CDH18: variants seen among roughly 807,000 people sequenced by gnomAD.
CDH18 encodes the protein cadherin-18.
CDH18 carries 31 observed loss-of-function variants against 67.9 expected under a neutral mutation model. That is an observed-to-expected ratio of 0.46 (90% CI 0.34 to 0.62). CDH18 has a LOEUF of 0.62. Among genes scored for constraint, CDH18 ranks in the 20% least tolerant of loss-of-function variants. The pLI is 0.01. For synonymous variants in CDH18, 362 were observed against 347.2 expected, an observed-to-expected ratio of 1.04 and a Z score of -0.48; for missense variants, 890 against 975.5, an observed-to-expected ratio of 0.91 and a Z score of 1.17.
chr5:20,484,966 G>T (rs1753070145), intron 1 of CDH18, among the ~76,000 whole-genome samples: 1 of 151,998 alleles, frequency 6.6e-6, no homozygotes. Flanking sequence ...ACAAAGAAAT[G>T]ATATATTCTT....
At chr5:19,929,168 T>C (rs1241283829) in intron 2 of CDH18, among the ~76,000 whole-genome samples, 1 of 152,100 alleles carries the variant, frequency 6.6e-6, no homozygotes, top group East Asian at 1.9e-4. Flanking sequence ...AAACTGGCCC[T>C]GACTCATCTT....
intron 2 of CDH18, among the ~76,000 whole-genome samples, chr5:19,902,219 C>G (rs139655200): frequency 1.3e-3 from 199 of 152,208 alleles, no homozygotes; most frequent in Middle Eastern, 3.4e-3. Flanking sequence ...CATTTTTAAC[C>G]TAGCCTCACT....
intron 5 of CDH18, among the ~76,000 whole-genome samples, chr5:19,703,725 C>T (rs190003393): frequency 7.7e-4 from 117 of 151,842 alleles, no homozygotes; most frequent in African/African-American, 2.6e-3. Context: ...CCCCCTGCCC[C>T]CCCTGCCCCC....
intron 1 of CDH18, among the ~76,000 whole-genome samples, chr5:20,431,527 A>C (rs956352099): frequency 2.4e-4 from 36 of 151,602 alleles, no homozygotes; most frequent in African/African-American, 8.7e-4. Flanking sequence ...AGAAGAATAG[A>C]AAAAGAAAAG....
intron 5 of CDH18, among the ~76,000 whole-genome samples, chr5:19,697,975 T>C (rs1257009259): frequency 6.6e-6 from 1 of 152,150 alleles, no homozygotes; most frequent in Non-Finnish European, 1.5e-5. Context: ...GAAATTCACA[T>C]GGAATCTTTC....
chr5:20,543,232 T>C (rs1270916571), intron 1 of CDH18, among the ~76,000 whole-genome samples: 1 of 150,410 alleles, frequency 6.6e-6, no homozygotes, highest in African/African-American at 2.4e-5. Context: ...TATTTCAGAG[T>C]AACAGGTAAA....
chr5:19,939,860 C>A (rs1424572754), intron 2 of CDH18, among the ~76,000 whole-genome samples: 3 of 151,848 alleles, frequency 2.0e-5, no homozygotes, highest in Non-Finnish European at 4.4e-5. Context: ...TTAAAGGAGA[C>A]TTTACTTAAT....
intron 1 of CDH18, among the ~76,000 whole-genome samples, chr5:20,562,128 A>G (rs912911738): frequency 3.3e-5 from 5 of 151,932 alleles, no homozygotes; most frequent in African/African-American, 9.7e-5. Flanking sequence ...ATAATAGAAA[A>G]GAAAATAGGT....
chr5:19,817,903 T>G (rs995250029), intron 3 of CDH18, among the ~76,000 whole-genome samples: 1 of 152,186 alleles, frequency 6.6e-6, no homozygotes, highest in Admixed American at 6.5e-5. Flanking sequence ...TAGCCATAGA[T>G]AATACATAAA....
intron 2 of CDH18, among the ~76,000 whole-genome samples, chr5:19,952,353 C>G (rs1795878182): frequency 2.6e-5 from 4 of 151,482 alleles, no homozygotes; most frequent in Admixed American, 2.6e-4. Context: ...CCAGCCTATA[C>G]TTTTCCAATT....
At chr5:19,769,884 T>C (rs2149735034) in intron 3 of CDH18, among the ~76,000 whole-genome samples, 1 of 151,750 alleles carries the variant, frequency 6.6e-6, no homozygotes, top group South Asian at 2.1e-4. Context: ...GTAGCACAAC[T>C]CAACAATAAG....
intron 6 of CDH18, among the ~76,000 whole-genome samples, chr5:19,605,727 C>T (rs1747933636): frequency 6.6e-6 from 1 of 151,962 alleles, no homozygotes; most frequent in African/African-American, 2.4e-5. Flanking sequence ...GAAACCATAA[C>T]AAAACAAATT....
chr5:20,538,899 T>G (rs376515676), intron 1 of CDH18, among the ~76,000 whole-genome samples: 1,422 of 54,428 alleles, frequency 0.026, 20 homozygotes, highest in African/African-American at 0.083. Context: ...TAGCCAACTG[T>G]TTTTTTTTTG....
At chr5:19,632,837 G>T (rs577579029) in intron 5 of CDH18, among the ~76,000 whole-genome samples, 3 of 152,060 alleles carry the variant, frequency 2.0e-5, no homozygotes, top group Non-Finnish European at 4.4e-5. Flanking sequence ...GGTTTTATTT[G>T]TGCCCCCTCT....
At chr5:19,504,003 T>C (rs891623468) in intron 10 of CDH18, among the ~76,000 whole-genome samples, 1 of 146,594 alleles carries the variant, frequency 6.8e-6, no homozygotes, top group African/African-American at 2.6e-5. Context: ...ATTGAACTAA[T>C]ATCATTTCTT....
At chr5:20,323,120 A>C (rs1738197233) in intron 1 of CDH18, among the ~76,000 whole-genome samples, 1 of 152,168 alleles carries the variant, frequency 6.6e-6, no homozygotes, top group Non-Finnish European at 1.5e-5. Context: ...AGAATCAAGC[A>C]CTTGAAAACA....
intron 11 of CDH18, among the ~76,000 whole-genome samples, chr5:19,493,470 A>G (rs75389872): frequency 1.3e-3 from 192 of 152,088 alleles, no homozygotes; most frequent in East Asian, 2.9e-3. Context: ...ATAAATAATA[A>G]TTTGATGTGA....
At chr5:20,102,321 C>G (rs1311545811) in intron 2 of CDH18, among the ~76,000 whole-genome samples, 1 of 151,960 alleles carries the variant, frequency 6.6e-6, no homozygotes, top group African/African-American at 2.4e-5. Flanking sequence ...AGTACATATT[C>G]TGTTTCCCCT....
chr5:19,909,829 C>G (rs1158143450), intron 2 of CDH18, among the ~76,000 whole-genome samples: 1 of 152,030 alleles, frequency 6.6e-6, no homozygotes, highest in African/African-American at 2.4e-5. Flanking sequence ...ATTCAGTAAG[C>G]CAAATAAAAT....
Sources: gnomAD v4.1 joint callset for allele counts (sites outside exome capture counted in the v4.1 genomes callset) on GRCh38, gnomAD v4.1.1 for gene constraint, MANE v1.5 for transcripts, NCBI Gene and HGNC (gene_info 2026-07-23, HGNC 2026-07-21) for gene names.